PDE4D: variants seen among roughly 807,000 people sequenced by gnomAD.
The protein encoded by PDE4D is phosphodiesterase 4D.
PDE4D carries 24 observed loss-of-function variants against 87.4 expected under a neutral mutation model. The observed-to-expected ratio is 0.27, with a 90% CI of 0.20 to 0.39. The LOEUF is 0.39. Among genes scored for constraint, PDE4D ranks in the 10% least tolerant of loss-of-function variants. The pLI is 1.00. For synonymous variants in PDE4D, 384 were observed against 383.2 expected (o/e 1.00, Z -0.02); for missense variants, 714 against 1,041.0 (o/e 0.69, Z 4.32).
chr5:59,411,194 A>G (rs993956081), intron 1 of PDE4D, among the ~76,000 whole-genome samples: 1 of 152,028 alleles, frequency 6.6e-6, no homozygotes, highest in East Asian at 1.9e-4. Context: ...GACAAAGGGA[A>G]TGGTTTGCTG....
At chr5:59,802,588 G>A (rs1180197054) in intron 1 of PDE4D, among the ~76,000 whole-genome samples, 1 of 151,642 alleles carries the variant, frequency 6.6e-6, no homozygotes, top group Non-Finnish European at 1.5e-5. Flanking sequence ...TAGTAGAGAG[G>A]GGGTTTCACC....
At chr5:59,396,679 G>T (rs1266213805) in intron 1 of PDE4D, among the ~76,000 whole-genome samples, 1 of 114,228 alleles carries the variant, frequency 8.8e-6, no homozygotes, top group African/African-American at 3.7e-5. Flanking sequence ...ATCAACTAAC[G>T]AGCAAAATAA....
intron 1 of PDE4D, among the ~76,000 whole-genome samples, chr5:59,678,579 C>T (rs1209502840): frequency 1.3e-5 from 2 of 152,130 alleles, no homozygotes; most frequent in Non-Finnish European, 2.9e-5. Flanking sequence ...ACTTCTCCTG[C>T]CTCAGGCGCC....
chr5:60,001,659 A>T (rs1351461227), intron 2 of PDE4D, among the ~76,000 whole-genome samples: 1 of 152,170 alleles, frequency 6.6e-6, no homozygotes, highest in African/African-American at 2.4e-5. Context: ...AAAAGTTAAA[A>T]GGTAAAATAA....
At position 58,989,807 on chromosome 5, in the gene PDE4D, G is replaced by C; in HGVS notation, c.1400C>G (p.Ala467Gly). Residue 467 changes from alanine (A) to glycine (G), a missense_variant, in exon 10 of 15, where the codon GCT (alanine) becomes GGT (glycine). Physicochemically the swap from Ala to Gly is moderately conservative, Grantham distance 60. This residue lies in a region of PDE4D where 141 missense variants were observed against 204.3 expected (regional missense o/e 0.69). Coordinates refer to ENST00000340635, the MANE Select transcript of PDE4D (RefSeq NM_001104631.2). Reference sequence around the variant, plus strand: ...ATGAGTAGACTGGACAACATCTGCAGCATGGATATTGTTGTGATAGGCCAC... The same window carrying C: ...ATGAGTAGACTGGACAACATCTGCACCATGGATATTGTTGTGATAGGCCAC... ...ADVAYHNNIH[A>G]ADVVQSTHVL... 6.2e-7 allele frequency: 1 copy of C among 1,610,984 alleles called. No individual in the cohort carries two copies. The highest frequency in any genetic ancestry group is 8.5e-7 in the Non-Finnish European group (1 of 1,177,370).
chr5:59,230,240 CTT>C (rs1014120023), intron 1 of PDE4D, among the ~76,000 whole-genome samples: 22 of 152,086 alleles, frequency 1.4e-4, no homozygotes, highest in African/African-American at 4.8e-4. Context: ...CAAAATTTCT[CTT>C]GTTAGTTGCA....
intron 1 of PDE4D, among the ~76,000 whole-genome samples, chr5:60,517,377 G>A (rs570584364): frequency 8.5e-5 from 13 of 152,360 alleles, no homozygotes; most frequent in Non-Finnish European, 1.3e-4. Context: ...AAGCCCCACC[G>A]TTAGGCCTGG....
chr5:59,117,214 G>C (rs1773750459), intron 5 of PDE4D, among the ~76,000 whole-genome samples: 1 of 152,102 alleles, frequency 6.6e-6, no homozygotes, highest in Non-Finnish European at 1.5e-5. Context: ...ACATGAGGCA[G>C]GTCTCTTATT....
chr5:59,225,680 C>T (rs921914191), intron 1 of PDE4D, among the ~76,000 whole-genome samples: 1 of 151,854 alleles, frequency 6.6e-6, no homozygotes, highest in Non-Finnish European at 1.5e-5. Context: ...TTCTGCACAG[C>T]AAGGGAGAAA....
In PDE4D at chr5:59,823,413, A is replaced by AT. The variant is rs1452309187; in HGVS notation, c.455+69754_455+69755insA. Among the ~76,000 whole-genome samples, 8 of 152,278 alleles carry AT rather than the reference A, an allele frequency of 5.3e-5. No individual in the cohort carries two copies. The East Asian group carries it at 1.4e-3, about 26-fold the overall frequency. ...TTAGTTTATCTCCAACTGCCTGCAG[A>AT]ATGCAAGAATGGAGGGAAGGACAGA... On this transcript the variant is annotated intron_variant, in intron 1 of 14. Transcript: ENST00000340635.
At chr5:60,221,272 C>T (rs1744464978) in intron 1 of PDE4D, among the ~76,000 whole-genome samples, 1 of 151,546 alleles carries the variant, frequency 6.6e-6, no homozygotes, top group Admixed American at 6.6e-5. Context: ...GGAAGTACAT[C>T]AAAATAAAAT....
At chr5:60,134,373 C>T (rs938338612) in intron 2 of PDE4D, among the ~76,000 whole-genome samples, 2 of 152,064 alleles carry the variant, frequency 1.3e-5, no homozygotes, top group Admixed American at 1.3e-4. Context: ...CAGGTGGTGG[C>T]CCACACATGT....
intron 1 of PDE4D, among the ~76,000 whole-genome samples, chr5:59,636,516 A>G (rs1202707518): frequency 1.3e-5 from 2 of 152,218 alleles, no homozygotes; most frequent in Admixed American, 1.3e-4. Context: ...CTATAAGGCT[A>G]CAGTAACCAC....
At chr5:59,136,023 A>G (rs1241013987) in intron 5 of PDE4D, among the ~76,000 whole-genome samples, 1 of 47,834 alleles carries the variant, frequency 2.1e-5, no homozygotes, top group East Asian at 3.2e-4. Flanking sequence ...AAAAGACTAA[A>G]TGATAAAAAA....
chr5:59,897,500 G>T (rs576854942), upstream of PDE4D, among the ~76,000 whole-genome samples: 1 of 151,840 alleles, frequency 6.6e-6, no homozygotes, highest in Non-Finnish European at 1.5e-5. Flanking sequence ...TGTGCTCAAT[G>T]TGCAGGTTTG....
chr5:59,501,255 TA>T (rs909665420), intron 1 of PDE4D, among the ~76,000 whole-genome samples: 2 of 152,172 alleles, frequency 1.3e-5, no homozygotes, highest in African/African-American at 2.4e-5. Flanking sequence ...TTTCTCCCAA[TA>T]AAACAATTCA....
chr5:59,197,562 C>T (rs1478842721), intron 2 of PDE4D, among the ~76,000 whole-genome samples: 1 of 152,042 alleles, frequency 6.6e-6, no homozygotes, highest in Non-Finnish European at 1.5e-5. Context: ...TGTCTAAGTC[C>T]TCAACTCAAT....
In PDE4D at chr5:60,304,717, C is replaced by A. The variant is rs560160860; in HGVS notation, c.-89-119030G>T. ...GGTGAACAGAGCACAGAGGAGCAAT[C>A]CTGATAGGTTGAGAATTACAGATAC... On this transcript the variant is annotated intron_variant, in intron 1 of 16. Transcript: ENST00000502484. Among the ~76,000 whole-genome samples, 6 of 150,270 alleles carry A rather than the reference C, an allele frequency of 4.0e-5. No homozygotes were observed. The East Asian group carries it at 9.8e-4, about 24-fold the overall frequency.
At chr5:59,453,896 A>C (rs1053358894) in intron 1 of PDE4D, among the ~76,000 whole-genome samples, 3 of 152,258 alleles carry the variant, frequency 2.0e-5, no homozygotes, top group Non-Finnish European at 4.4e-5. Flanking sequence ...GCACTTTCAC[A>C]ACTAGAAAGA....
Sources: allele counts gnomAD v4.1 joint callset (sites outside exome capture counted in the v4.1 genomes callset), GRCh38; gene constraint gnomAD v4.1.1; regional missense constraint gnomAD v4.1.1; transcripts MANE v1.5; gene names NCBI Gene and HGNC (gene_info 2026-07-23, HGNC 2026-07-21).